DCC: variants seen among roughly 807,000 people sequenced by gnomAD.
The protein encoded by DCC is DCC netrin 1 receptor.
DCC carries 58 observed loss-of-function variants against 172.5 expected under a neutral mutation model. That is an observed-to-expected ratio of 0.34 (90% CI 0.27 to 0.42). DCC has a LOEUF of 0.42. Among genes scored for constraint, DCC ranks in the 10% least tolerant of loss-of-function variants. The probability of loss-of-function intolerance (pLI) is 1.00; values close to 1 mark genes in which losing one functional copy is unlikely to be tolerated. For synonymous variants in DCC, 709 were observed against 644.5 expected (o/e 1.10, Z -1.52); for missense variants, 1,740 against 1,791.0 (o/e 0.97, Z 0.51).
chr18:52,702,758 C>T (rs542987255), intron 1 of DCC, among the ~76,000 whole-genome samples: 1 of 152,090 alleles, frequency 6.6e-6, no homozygotes, highest in Admixed American at 6.6e-5. Flanking sequence ...TCATTCAAAC[C>T]AATTACCTAC....
chr18:52,768,416 G>A (rs971002149), intron 2 of DCC, among the ~76,000 whole-genome samples: 1 of 152,148 alleles, frequency 6.6e-6, no homozygotes, highest in African/African-American at 2.4e-5. Context: ...GGTCAACACA[G>A]GTCAGGGCTG....
chr18:52,409,809 G>T (rs939086858), intron 1 of DCC, among the ~76,000 whole-genome samples: 25 of 152,154 alleles, frequency 1.6e-4, no homozygotes, highest in Non-Finnish European at 1.8e-4. Flanking sequence ...AGAGGAGATT[G>T]TCAGGTAGGA....
At chr18:52,355,504 A>G (rs187915590) in intron 1 of DCC, among the ~76,000 whole-genome samples, 3 of 152,314 alleles carry the variant, frequency 2.0e-5, no homozygotes, top group Admixed American at 2.0e-4. Context: ...AATGGATGAC[A>G]TTTTTGAAAA....
chr18:52,824,800 G>A (rs868603193), intron 2 of DCC, among the ~76,000 whole-genome samples: 29 of 152,022 alleles, frequency 1.9e-4, no homozygotes, highest in African/African-American at 6.3e-4. Context: ...GCGAAACCCC[G>A]TCTCTACTAA....
intron 1 of DCC, among the ~76,000 whole-genome samples, chr18:52,455,329 C>G (rs191434525): frequency 1.3e-5 from 2 of 152,118 alleles, no homozygotes; most frequent in South Asian, 4.1e-4. Context: ...TTACATCATC[C>G]ATTTTTCATC....
intron 1 of DCC, among the ~76,000 whole-genome samples, chr18:52,592,074 G>A (rs2033813043): frequency 6.6e-6 from 1 of 152,120 alleles, no homozygotes; most frequent in South Asian, 2.1e-4. Context: ...GAATTTAAAA[G>A]TAAACATGCT....
intron 7 of DCC, among the ~76,000 whole-genome samples, chr18:53,108,394 A>G (rs2043281303): frequency 6.6e-6 from 1 of 151,834 alleles, no homozygotes; most frequent in Non-Finnish European, 1.5e-5. Context: ...ACACATTTCT[A>G]CAGCTACTTA....
chr18:52,488,906 A>T (rs1215801772), intron 1 of DCC, among the ~76,000 whole-genome samples: 1 of 152,120 alleles, frequency 6.6e-6, no homozygotes, highest in Non-Finnish European at 1.5e-5. Flanking sequence ...TTTGGGAAGG[A>T]GGAGTTTTGC....
chr18:53,523,417 C>G (rs1288171198), intron 27 of DCC, among the ~76,000 whole-genome samples: 1 of 151,498 alleles, frequency 6.6e-6, no homozygotes, highest in East Asian at 1.9e-4. Context: ...TTACTGGATT[C>G]AAAGGATTAT....
intron 27 of DCC, among the ~76,000 whole-genome samples, chr18:53,514,067 T>A (rs1410397261): frequency 6.6e-6 from 1 of 152,110 alleles, no homozygotes; most frequent in African/African-American, 2.4e-5. Context: ...AGTAAAGCTC[T>A]CCTCAGCAAA....
chr18:52,552,063 T>C lies in DCC; in HGVS notation c.92-199991T>C, dbSNP rs546484259. Among the ~76,000 whole-genome samples the C allele has an allele frequency of 2.0e-5, 3 of 152,220 alleles. No individual in the cohort carries two copies. The East Asian group carries it at 5.8e-4, about 29-fold the overall frequency. ...CTATAGGCCTAGAGAAATAAATCAT[T>C]GAAACAAGTAATTCCAAGTGAGAAA... On this transcript the variant is annotated intron_variant, in intron 1 of 28. Coordinates refer to ENST00000442544, the MANE Select transcript of DCC (RefSeq NM_005215.4).
At chr18:53,181,983 G>A (rs2144488872) in intron 9 of DCC, among the ~76,000 whole-genome samples, 1 of 152,318 alleles carries the variant, frequency 6.6e-6, no homozygotes, top group Non-Finnish European at 1.5e-5. Context: ...TACAATGACA[G>A]CCATGTCTAT....
chr18:52,899,699 G>A (rs547004631), intron 2 of DCC, among the ~76,000 whole-genome samples: 15 of 151,086 alleles, frequency 9.9e-5, no homozygotes, highest in African/African-American at 3.4e-4. Context: ...TCTCTCTATC[G>A]TGACCAAGTT....
intron 13 of DCC, among the ~76,000 whole-genome samples, chr18:53,313,752 C>A (rs1217174866): frequency 6.6e-6 from 1 of 152,178 alleles, no homozygotes; most frequent in Non-Finnish European, 1.5e-5. Flanking sequence ...TAATGTCTCT[C>A]TTGGGTTCTA....
intron 1 of DCC, among the ~76,000 whole-genome samples, chr18:52,491,190 G>T (rs917057610): frequency 6.6e-6 from 1 of 151,840 alleles, no homozygotes; most frequent in African/African-American, 2.4e-5. Context: ...GATCCATTAA[G>T]CTAGAACACC....
intron 7 of DCC, among the ~76,000 whole-genome samples, chr18:53,078,697 A>G (rs554116665): frequency 6.6e-6 from 1 of 152,278 alleles, no homozygotes; most frequent in Non-Finnish European, 1.5e-5. Context: ...TAAATAGTAT[A>G]GGCAATGCAC....
intron 5 of DCC, among the ~76,000 whole-genome samples, chr18:52,979,347 A>G: frequency 6.6e-6 from 1 of 152,284 alleles, no homozygotes; most frequent in East Asian, 1.9e-4. Flanking sequence ...TTTAGGAGTC[A>G]GAAAGCTGTG....
chr18:52,602,670 G>A (rs755593137), intron 1 of DCC, among the ~76,000 whole-genome samples: 1 of 149,850 alleles, frequency 6.7e-6, no homozygotes, highest in Non-Finnish European at 1.5e-5. Context: ...GAATTACGGT[G>A]CAAATACAAA....
At chr18:52,576,550 C>T (rs1251717233) in intron 1 of DCC, among the ~76,000 whole-genome samples, 1 of 152,180 alleles carries the variant, frequency 6.6e-6, no homozygotes, top group African/African-American at 2.4e-5. Flanking sequence ...GTAGTTTCCG[C>T]CGGGCACAGT....
Sources: gnomAD v4.1 joint callset for allele counts (sites outside exome capture counted in the v4.1 genomes callset) on GRCh38, gnomAD v4.1.1 for gene constraint, MANE v1.5 for transcripts, NCBI Gene and HGNC (gene_info 2026-07-23, HGNC 2026-07-21) for gene names.